Variants in TENM3 observed in about 807,000 individuals in gnomAD.
The protein encoded by TENM3 is teneurin-3.
A neutral mutation model predicts 255.1 loss-of-function variants in TENM3; 63 were observed. That is an observed-to-expected ratio of 0.25 (90% CI 0.20 to 0.30). The LOEUF (loss-of-function observed/expected upper bound fraction) is 0.30, where lower values mean the gene tolerates loss of function less well. TENM3 is among the 10% of genes least tolerant of loss of function. The pLI is 1.00. For synonymous variants in TENM3, 1,306 were observed against 1,322.3 expected (o/e 0.99, Z 0.27); for missense variants, 2,929 against 3,461.1 (o/e 0.85, Z 3.86).
chr4:181,567,247 T>C, the TENM3 span, among the ~76,000 whole-genome samples: 2 of 152,212 alleles, frequency 1.3e-5, no homozygotes, highest in Non-Finnish European at 2.9e-5. Context: ...AACCTTTCAT[T>C]ATAACTCCTT....
intron 3 of TENM3, among the ~76,000 whole-genome samples, chr4:182,504,309 T>C (rs1218953893): frequency 6.6e-6 from 1 of 152,156 alleles, no homozygotes; most frequent in East Asian, 1.9e-4. Context: ...GTAAATGCTT[T>C]TTATCAAATT....
chr4:181,779,676 T>G, the TENM3 span, among the ~76,000 whole-genome samples: 6 of 152,146 alleles, frequency 3.9e-5, no homozygotes, highest in Non-Finnish European at 1.5e-5. Context: ...CTAGGGTACA[T>G]GTACACAATG....
At chr4:182,700,482 C>T (rs76101383) in intron 12 of TENM3, among the ~76,000 whole-genome samples, 3,018 of 152,232 alleles carry the variant, frequency 0.02, 68 homozygotes, top group South Asian at 0.069. Flanking sequence ...CAGCAGCCTT[C>T]GTATTTAACA....
At chr4:182,685,961 T>G (rs1218303720) in intron 11 of TENM3, among the ~76,000 whole-genome samples, 6 of 152,048 alleles carry the variant, frequency 3.9e-5, no homozygotes, top group Non-Finnish European at 8.8e-5. Context: ...ATTAAAAGAT[T>G]AAATTGGCTG....
the TENM3 span, among the ~76,000 whole-genome samples, chr4:181,672,064 G>A: frequency 1.3e-5 from 2 of 152,070 alleles, no homozygotes; most frequent in Non-Finnish European, 2.9e-5. Context: ...CTCTACAGAG[G>A]TCAATAACCA....
chr4:181,557,188 T>A, the TENM3 span, among the ~76,000 whole-genome samples: 49,318 of 152,060 alleles, frequency 0.32, 8,901 homozygotes, highest in Non-Finnish European at 0.41. Flanking sequence ...CTTAATAGAA[T>A]AGGTAAAAAT....
At chr4:182,175,316 TATATATA>T (rs1752407641) in intron 1 of TENM3, among the ~76,000 whole-genome samples, 8 of 73,294 alleles carry the variant, frequency 1.1e-4, no homozygotes, top group Non-Finnish European at 2.3e-4. Flanking sequence ...AAAAAAAAAA[TATATATA>T]TATATATATA....
chr4:182,434,263 C>T (rs1360575020), intron 3 of TENM3, among the ~76,000 whole-genome samples: 1 of 152,014 alleles, frequency 6.6e-6, no homozygotes, highest in Admixed American at 6.6e-5. Context: ...TGGTGATAAC[C>T]TTGAGAAAAA....
rs186503190 is a variant in TENM3, at chr4:182,635,774, C to A, written c.988+6885C>A. 4.5e-3 allele frequency among the ~76,000 whole-genome samples: 679 copies of A among 152,288 alleles called. 3 individuals are homozygous for A. Among genetic ancestry groups the A allele is most frequent in the Non-Finnish European group, 5.2e-3 (354 of 68,036 alleles). On this transcript the variant is annotated intron_variant, in intron 5 of 27. Coordinates refer to ENST00000511685, the MANE Select transcript of TENM3 (RefSeq NM_001080477.4). Reference sequence around the variant, plus strand: ...CTGGCAAAACATAACCTGTCGAATCCAGGTTCATTGCAGTTATGATTCCTT... The same window carrying A: ...CTGGCAAAACATAACCTGTCGAATCAAGGTTCATTGCAGTTATGATTCCTT...
At chr4:181,894,733 G>GA in the TENM3 span, among the ~76,000 whole-genome samples, 811 of 136,892 alleles carry the variant, frequency 5.9e-3, 4 homozygotes, top group Middle Eastern at 8.0e-3. Context: ...GTCAGTGGCA[G>GA]AAAAAAAAAA....
intron 22 of TENM3, 105 bp downstream of exon 22, chr4:182,755,364 G>C: frequency 8.7e-7 from 1 of 1,153,478 alleles, no homozygotes; most frequent in Non-Finnish European, 1.2e-6. Context: ...ATGTTTTTGA[G>C]AGTCTAGAGC....
the TENM3 span, among the ~76,000 whole-genome samples, chr4:182,100,585 A>ATACACATATG: frequency 5.9e-5 from 8 of 134,786 alleles, no homozygotes; most frequent in Non-Finnish European, 1.1e-4. Flanking sequence ...ACACATATAT[A>ATACACATATG]TACACATATA....
chr4:181,997,759 T>C, the TENM3 span, among the ~76,000 whole-genome samples: 2 of 152,126 alleles, frequency 1.3e-5, no homozygotes, highest in African/African-American at 4.8e-5. Context: ...ATCTGTAAAA[T>C]GGAGACAATA....
the TENM3 span, among the ~76,000 whole-genome samples, chr4:181,676,079 G>A: frequency 9.6e-6 from 1 of 104,158 alleles, no homozygotes; most frequent in African/African-American, 3.1e-5. Context: ...CTGCGGGAAG[G>A]GGGGGTGCAT....
At chr4:182,293,331 C>T (rs934328511) in intron 1 of TENM3, among the ~76,000 whole-genome samples, 52 of 152,252 alleles carry the variant, frequency 3.4e-4, no homozygotes, top group Admixed American at 1.9e-3. Flanking sequence ...GCACCAGAAA[C>T]GACAGCAGGT....
intron 1 of TENM3, among the ~76,000 whole-genome samples, chr4:182,323,427 A>C (rs1380443372): frequency 6.6e-6 from 1 of 152,040 alleles, no homozygotes; most frequent in Non-Finnish European, 1.5e-5. Flanking sequence ...TATTAAAAAA[A>C]AAAAAAAAAA....
At chr4:181,679,779 A>G in the TENM3 span, among the ~76,000 whole-genome samples, 3 of 152,186 alleles carry the variant, frequency 2.0e-5, no homozygotes, top group Non-Finnish European at 1.5e-5. Context: ...TTGTTATAAT[A>G]ATATAAATAA....
chr4:181,555,610 T>G, the TENM3 span, among the ~76,000 whole-genome samples: 1 of 152,214 alleles, frequency 6.6e-6, no homozygotes, highest in African/African-American at 2.4e-5. Context: ...CAAGTATCCT[T>G]AATGCCTCAA....
intron 3 of TENM3, among the ~76,000 whole-genome samples, chr4:182,527,120 T>A (rs1739281803): frequency 6.6e-6 from 1 of 152,310 alleles, no homozygotes; most frequent in South Asian, 2.1e-4. Flanking sequence ...AATATTTCAA[T>A]TAAAGAAGTC....
Sources: allele counts gnomAD v4.1 joint callset (sites outside exome capture counted in the v4.1 genomes callset), GRCh38; gene constraint gnomAD v4.1.1; transcripts MANE v1.5; gene names NCBI Gene and HGNC (gene_info 2026-07-23, HGNC 2026-07-21).